Variants in OPCML observed in about 807,000 individuals in gnomAD.
OPCML encodes opioid binding protein/cell adhesion molecule like, also known as opioid-binding protein/cell adhesion molecule.
Under a neutral mutation model 37.8 loss-of-function variants are expected in OPCML, and 13 were observed. That is an observed-to-expected ratio of 0.34 (90% confidence interval 0.22 to 0.55). The LOEUF (loss-of-function observed/expected upper bound fraction) is 0.55. Among genes scored for constraint, OPCML ranks in the 20% least tolerant of loss-of-function variants. The probability of loss-of-function intolerance (pLI) is 0.91; values close to 1 mark genes in which losing one functional copy is unlikely to be tolerated. For missense variants in OPCML, 341 were observed against 435.6 expected (o/e 0.78, Z 1.93); for synonymous variants, 176 against 168.8 (o/e 1.04, Z -0.33).
At chr11:133,271,842 A>G (rs906460241) in intron 1 of OPCML, among the ~76,000 whole-genome samples, 15 of 152,232 alleles carry the variant, frequency 9.9e-5, no homozygotes, top group Admixed American at 1.3e-4. Context: ...TATTGTACAA[A>G]ATTCGATGAG....
chr11:133,184,217 G>C lies in OPCML; in HGVS notation c.62-241207C>G, dbSNP rs535352832. On this transcript the variant is annotated intron_variant, in intron 1 of 7. Coordinates refer to ENST00000524381, the MANE Select transcript of OPCML (RefSeq NM_001012393.5). ...ACTTACGGAATGCCCACTGTAATAAGACACCACTAGGTATTTGGGGAGATA... is the reference window on the plus strand; with the variant it reads ...ACTTACGGAATGCCCACTGTAATAACACACCACTAGGTATTTGGGGAGATA... 3.9e-5 allele frequency among the ~76,000 whole-genome samples: 6 copies of C among 152,312 alleles called. No homozygotes were observed. The South Asian group carries it at 1.0e-3, about 26-fold the overall frequency.
chr11:133,350,254 C>G (rs946821281), intron 1 of OPCML, among the ~76,000 whole-genome samples: 12 of 152,214 alleles, frequency 7.9e-5, no homozygotes, highest in African/African-American at 2.9e-4. Context: ...GATCTTCCCA[C>G]AGTTTCTCTG....
intron 3 of OPCML, among the ~76,000 whole-genome samples, chr11:132,623,846 C>T (rs915337880): frequency 6.6e-6 from 1 of 152,244 alleles, no homozygotes; most frequent in Non-Finnish European, 1.5e-5. Context: ...TCTCCACTTT[C>T]ACTGAAAGAA....
intron 2 of OPCML, among the ~76,000 whole-genome samples, chr11:132,840,614 T>C (rs1322196184): frequency 2.6e-5 from 4 of 152,124 alleles, no homozygotes; most frequent in Non-Finnish European, 4.4e-5. Flanking sequence ...ATTTCCCTAA[T>C]CCACAGAAAG....
chr11:133,152,630 C>CT (rs1950003309), intron 1 of OPCML, among the ~76,000 whole-genome samples: 2 of 151,878 alleles, frequency 1.3e-5, no homozygotes, highest in Admixed American at 1.3e-4. Context: ...AGAGACATTT[C>CT]TTCAGTAATC....
chr11:133,204,922 A>AT, intron 1 of OPCML, among the ~76,000 whole-genome samples: 1 of 141,542 alleles, frequency 7.1e-6, no homozygotes, highest in African/African-American at 2.6e-5. Flanking sequence ...ATACACATTT[A>AT]GATATGGTCT....
chr11:133,019,081 CAA>C (rs1947398470), intron 1 of OPCML, among the ~76,000 whole-genome samples: 1 of 152,192 alleles, frequency 6.6e-6, no homozygotes, highest in African/African-American at 2.4e-5. Flanking sequence ...GCTGGTGAGA[CAA>C]AAGAGACCAG....
intron 2 of OPCML, among the ~76,000 whole-genome samples, chr11:132,828,035 C>T (rs1308454129): frequency 6.6e-6 from 1 of 152,006 alleles, no homozygotes; most frequent in Non-Finnish European, 1.5e-5. Context: ...TGTGGTACAT[C>T]CAGGCAATGG....
intron 2 of OPCML, among the ~76,000 whole-genome samples, chr11:132,673,986 C>G (rs941665115): frequency 6.6e-6 from 1 of 152,044 alleles, no homozygotes; most frequent in African/African-American, 2.4e-5. Context: ...CTACCTTTTT[C>G]CAATTGACCA....
At chr11:133,063,854 G>C (rs541177403) in intron 1 of OPCML, among the ~76,000 whole-genome samples, 10 of 152,272 alleles carry the variant, frequency 6.6e-5, no homozygotes, top group Non-Finnish European at 1.0e-4. Flanking sequence ...GAGCCACTGA[G>C]CCCAGCCCCG....
At chr11:132,504,719 G>C (rs1042505368) in intron 4 of OPCML, among the ~76,000 whole-genome samples, 1 of 152,156 alleles carries the variant, frequency 6.6e-6, no homozygotes, top group African/African-American at 2.4e-5. Context: ...CTTGTCGGGA[G>C]AGAGAGGGTA....
intron 1 of OPCML, among the ~76,000 whole-genome samples, chr11:133,071,124 A>G (rs1405153932): frequency 1.3e-5 from 2 of 152,300 alleles, no homozygotes; most frequent in East Asian, 1.9e-4. Flanking sequence ...AATAAAATAT[A>G]CTAGGTTGGG....
chr11:133,363,967 C>G (rs893706348), intron 1 of OPCML, among the ~76,000 whole-genome samples: 3 of 152,152 alleles, frequency 2.0e-5, no homozygotes, highest in Non-Finnish European at 4.4e-5. Context: ...CTAGCCCTGA[C>G]GCTGCACAGC....
intron 1 of OPCML, among the ~76,000 whole-genome samples, chr11:133,333,289 C>T (rs1159414510): frequency 6.6e-6 from 1 of 152,052 alleles, no homozygotes; most frequent in Admixed American, 6.6e-5. Context: ...AAACTCCTAA[C>T]CTCAGGTGAT....
chr11:132,948,897 G>A (rs769710149), intron 1 of OPCML, among the ~76,000 whole-genome samples: 15 of 152,268 alleles, frequency 9.9e-5, no homozygotes, highest in Middle Eastern at 3.4e-3. Flanking sequence ...CAGAAGTCTC[G>A]TTTATGACAA....
At chr11:133,346,110 C>A (rs960590392) in intron 1 of OPCML, among the ~76,000 whole-genome samples, 14 of 152,152 alleles carry the variant, frequency 9.2e-5, no homozygotes, top group Non-Finnish European at 4.4e-5. Flanking sequence ...AAAATGATGA[C>A]CTTAGTGTTA....
At chr11:133,440,982 T>C (rs999458781) in intron 1 of OPCML, among the ~76,000 whole-genome samples, 5 of 151,426 alleles carry the variant, frequency 3.3e-5, no homozygotes, top group Non-Finnish European at 7.4e-5. Context: ...ATTGTCATAA[T>C]TCTCTGCAGT....
At chr11:133,080,906 A>G (rs1374690373) in intron 1 of OPCML, among the ~76,000 whole-genome samples, 1 of 151,968 alleles carries the variant, frequency 6.6e-6, no homozygotes, top group Admixed American at 6.6e-5. Flanking sequence ...ACGACTGTTC[A>G]TGGGTCTCGG....
At chr11:133,107,832 G>T (rs1949184895) in intron 1 of OPCML, among the ~76,000 whole-genome samples, 1 of 152,196 alleles carries the variant, frequency 6.6e-6, no homozygotes, top group Admixed American at 6.5e-5. Flanking sequence ...TTTAATGTTT[G>T]CCTACTTGTC....
Sources: gnomAD v4.1 joint callset for allele counts (sites outside exome capture counted in the v4.1 genomes callset) on GRCh38, gnomAD v4.1.1 for gene constraint, MANE v1.5 for transcripts, NCBI Gene and HGNC (gene_info 2026-07-23, HGNC 2026-07-21) for gene names.